Variants in PACSIN2 observed in about 807,000 individuals in gnomAD.
PACSIN2 encodes protein kinase C and casein kinase substrate in neurons 2.
Under a neutral mutation model 63.8 loss-of-function variants are expected in PACSIN2, and 25 were observed. That is an observed-to-expected ratio of 0.39 (90% CI 0.29 to 0.55). The LOEUF is 0.55. Ranked by LOEUF, PACSIN2 falls within the 20% of genes least tolerant of loss-of-function variation. The pLI, the probability that PACSIN2 is intolerant of heterozygous loss-of-function variation, is 0.62. For missense variants in PACSIN2, 518 were observed against 646.9 expected, an observed-to-expected ratio of 0.80 and a Z score of 2.16; for synonymous variants, 255 against 256.2, an observed-to-expected ratio of 1.00 and a Z score of 0.05.
chr22:42,996,198 C>A (rs932095281), intron 1 of PACSIN2, among the ~76,000 whole-genome samples: 2 of 147,328 alleles, frequency 1.4e-5, no homozygotes, highest in African/African-American at 5.0e-5. Flanking sequence ...CCAGGCTGGG[C>A]GACAGAGCGA....
intron 8 of PACSIN2, 105 bp downstream of exon 8, chr22:42,878,943 A>G (rs1928855588): frequency 7.4e-7 from 1 of 1,342,898 alleles, no homozygotes; most frequent in Non-Finnish European, 1.0e-6. Flanking sequence ...TCAGGAGCCC[A>G]GGAACCTCCC....
chr22:42,907,231 CATGCTAAAGAGT>C (rs111945531), intron 2 of PACSIN2, among the ~76,000 whole-genome samples: 4 of 152,336 alleles, frequency 2.6e-5, no homozygotes, highest in African/African-American at 9.6e-5. Flanking sequence ...GTGTCTTGGC[CATGCTAAAGAGT>C]ATGCTTCTAT....
At chr22:42,958,978 C>T (rs907637517) in intron 1 of PACSIN2, among the ~76,000 whole-genome samples, 7 of 152,248 alleles carry the variant, frequency 4.6e-5, no homozygotes, top group South Asian at 2.1e-4. Context: ...CAATTGAATA[C>T]GTACATAAGG....
rs969230422 is a variant in PACSIN2 at position 42,919,789 on chromosome 22, A to G, written c.-77-7632T>C. Among the ~76,000 whole-genome samples the G allele has an allele frequency of 9.2e-5, 13 of 141,984 alleles. 1 individual carries two copies. Among genetic ancestry groups the G allele is most frequent in the Admixed American group, 4.9e-4 (7 of 14,148 alleles). The allele number at this position is 141,984 out of a possible 152,430, so 93.1% of individuals were successfully genotyped here. ...ACCTGTCTCAAAAAAAAAAAAAAAA[A>G]AAAAAAAAGAAAGAAAGAAAGAAAA... is the stretch of plus-strand genomic sequence containing the variant. On this transcript the variant is annotated intron_variant, in intron 1 of 10. Transcript: ENST00000263246.
chr22:42,964,418 GAAA>G (rs34545773), intron 1 of PACSIN2, among the ~76,000 whole-genome samples: 1 of 135,276 alleles, frequency 7.4e-6, no homozygotes, highest in Non-Finnish European at 1.6e-5. Context: ...ACTCCGTCTG[GAAA>G]AAAAAAAAAA....
At chr22:42,888,264 C>T (rs540417544) in intron 5 of PACSIN2, among the ~76,000 whole-genome samples, 1 of 152,284 alleles carries the variant, frequency 6.6e-6, no homozygotes, top group Admixed American at 6.5e-5. Flanking sequence ...CCCATTCACA[C>T]CCACCACTGG....
At chr22:42,960,826 T>C (rs1244711894) in intron 1 of PACSIN2, among the ~76,000 whole-genome samples, 1 of 152,212 alleles carries the variant, frequency 6.6e-6, no homozygotes, top group Non-Finnish European at 1.5e-5. Flanking sequence ...TTGAGATCTG[T>C]GCACTTTAGG....
intron 1 of PACSIN2, among the ~76,000 whole-genome samples, chr22:42,949,558 T>C (rs934767167): frequency 1.4e-4 from 21 of 152,146 alleles, no homozygotes; most frequent in African/African-American, 5.1e-4. Flanking sequence ...CAATTCTTAT[T>C]TATGATAAAA....
intron 1 of PACSIN2, among the ~76,000 whole-genome samples, chr22:42,919,794 AAAAG>A (rs1555917999): frequency 0.022 from 2,337 of 104,776 alleles, 103 homozygotes; most frequent in South Asian, 0.028. Context: ...AAAAAAAAAA[AAAAG>A]AAAGAAAGAA....
intron 1 of PACSIN2, among the ~76,000 whole-genome samples, chr22:42,993,195 G>C (rs1009612476): frequency 1.3e-5 from 2 of 151,556 alleles, no homozygotes; most frequent in Non-Finnish European, 2.9e-5. Flanking sequence ...GGAAGAAGAA[G>C]AATACATAGA....
At chr22:42,943,852 A>G (rs1933286516) in intron 1 of PACSIN2, among the ~76,000 whole-genome samples, 1 of 152,364 alleles carries the variant, frequency 6.6e-6, no homozygotes, top group East Asian at 1.9e-4. Context: ...CTTACGTTAA[A>G]CTTTTGCACA....
intron 1 of PACSIN2, among the ~76,000 whole-genome samples, chr22:42,975,547 CTTTT>C (rs1158801695): frequency 6.8e-6 from 1 of 148,034 alleles, no homozygotes; most frequent in Non-Finnish European, 1.5e-5. Flanking sequence ...TTATGAGTCT[CTTTT>C]TATAAAATTC....
intron 1 of PACSIN2, among the ~76,000 whole-genome samples, chr22:42,999,352 T>C (rs1413605192): frequency 6.6e-6 from 1 of 151,972 alleles, no homozygotes; most frequent in Non-Finnish European, 1.5e-5. Flanking sequence ...TGTGTGTGTA[T>C]GTGTGTGTAC....
chr22:42,884,827 G>C (rs563915303), intron 5 of PACSIN2, among the ~76,000 whole-genome samples: 7 of 152,370 alleles, frequency 4.6e-5, no homozygotes, highest in Non-Finnish European at 1.0e-4. Flanking sequence ...AACTCAGTGT[G>C]TATGGTCTTG....
At chr22:42,935,362 G>T (rs1422600057) in intron 1 of PACSIN2, among the ~76,000 whole-genome samples, 2 of 152,028 alleles carry the variant, frequency 1.3e-5, no homozygotes, top group African/African-American at 4.8e-5. Context: ...CATGGGGCGG[G>T]GTGGGGGGAA....
chr22:42,993,131 A>G (rs1358966642), intron 1 of PACSIN2, among the ~76,000 whole-genome samples: 3 of 152,026 alleles, frequency 2.0e-5, no homozygotes, highest in Admixed American at 6.6e-5. Context: ...TCGAGATTGC[A>G]CCACTGCACT....
intron 1 of PACSIN2, among the ~76,000 whole-genome samples, chr22:42,965,644 A>G (rs1039195965): frequency 2.0e-5 from 3 of 152,148 alleles, no homozygotes; most frequent in Non-Finnish European, 4.4e-5. Context: ...TTGGGCCTCA[A>G]TTCTTGGAAT....
intron 7 of PACSIN2, 57 bp from the exon 8 acceptor site, chr22:42,879,226 C>T (rs915148129): frequency 1.1e-5 from 17 of 1,580,638 alleles, no homozygotes; most frequent in African/African-American, 8.1e-5. Flanking sequence ...CTGGAAGCCA[C>T]GTCTGTCCTC....
At chr22:42,978,125 C>T (rs1235773362) in intron 1 of PACSIN2, among the ~76,000 whole-genome samples, 2 of 152,334 alleles carry the variant, frequency 1.3e-5, no homozygotes, top group African/African-American at 4.8e-5. Context: ...GCACCTACAA[C>T]CTGCCATGCA....
Sources: gnomAD v4.1 joint callset for allele counts (sites outside exome capture counted in the v4.1 genomes callset) on GRCh38, gnomAD v4.1.1 for gene constraint, MANE v1.5 for transcripts, NCBI Gene and HGNC (gene_info 2026-07-23, HGNC 2026-07-21) for gene names.